FAM3C: variants seen among roughly 807,000 people sequenced by gnomAD.
FAM3C encodes the protein FAM3 metabolism regulating signaling molecule C, also known as protein FAM3C.
In FAM3C, 15 loss-of-function variants were observed where a neutral mutation model predicts 32.5. That is an observed-to-expected ratio of 0.46 (90% confidence interval 0.31 to 0.71). The LOEUF (loss-of-function observed/expected upper bound fraction) is 0.71. FAM3C is among the 30% of genes least tolerant of loss of function. FAM3C has a pLI of 0.05. For synonymous variants in FAM3C, 75 were observed against 86.1 expected, an observed-to-expected ratio of 0.87 and a Z score of 0.72; for missense variants, 175 against 274.4, an observed-to-expected ratio of 0.64 and a Z score of 2.56.
chr7:121,367,291 T>C lies in FAM3C; in HGVS notation c.273-3103A>G, dbSNP rs539051898. 4.1e-4 allele frequency among the ~76,000 whole-genome samples: 63 copies of C among 152,350 alleles called. No individual in the cohort carries two copies. The South Asian group carries it at 0.012, about 30-fold the overall frequency. On this transcript the variant is annotated intron_variant, in intron 5 of 9. Coordinates refer to ENST00000359943, the MANE Select transcript of FAM3C (RefSeq NM_014888.3). Reference sequence around the variant, plus strand: ...TGTTTCAAATAGCTACTTCATGTCCTAGTTATTAGTTATTATCTCTTAAGA... The same window carrying C: ...TGTTTCAAATAGCTACTTCATGTCCCAGTTATTAGTTATTATCTCTTAAGA...
chr7:121,358,223 T>G (rs3801382), intron 8 of FAM3C, among the ~76,000 whole-genome samples: 44,289 of 151,958 alleles, frequency 0.29, 6,774 homozygotes, highest in African/African-American at 0.38. Context: ...AAAGTATCAC[T>G]GTTTTCATGT....
At chr7:121,356,040 A>G (rs1201221802) in intron 8 of FAM3C, among the ~76,000 whole-genome samples, 2 of 82,666 alleles carry the variant, frequency 2.4e-5, no homozygotes, top group Non-Finnish European at 4.8e-5. Context: ...AGTGGTTTAG[A>G]AAAAAAAAAA....
chr7:121,364,236 T>G, intron 5 of FAM3C, 48 bp from the exon 6 acceptor site: 2 of 1,183,008 alleles, frequency 1.7e-6, no homozygotes, highest in Non-Finnish European at 2.5e-6. Flanking sequence ...TATTGTACAA[T>G]AACATATCAG....
chr7:121,372,933 T>C (rs1209665700), intron 3 of FAM3C, among the ~76,000 whole-genome samples: 1 of 152,182 alleles, frequency 6.6e-6, no homozygotes, highest in Non-Finnish European at 1.5e-5. Flanking sequence ...CTCCAACTAG[T>C]AAGCTGAAAG....
At chr7:121,368,735 C>A (rs954081175) in intron 5 of FAM3C, among the ~76,000 whole-genome samples, 1 of 152,052 alleles carries the variant, frequency 6.6e-6, no homozygotes, top group Non-Finnish European at 1.5e-5. Flanking sequence ...CTCTCCAGAG[C>A]TATCCAATCT....
intron 9 of FAM3C, among the ~76,000 whole-genome samples, 183 bp downstream of exon 9, chr7:121,350,960 C>T (rs1793691440): frequency 6.6e-6 from 1 of 152,130 alleles, no homozygotes; most frequent in African/African-American, 2.4e-5. Flanking sequence ...GCAGAATTTT[C>T]AAGTTTTGAA....
chr7:121,367,228 T>A (rs541727158), intron 5 of FAM3C, among the ~76,000 whole-genome samples: 36 of 152,304 alleles, frequency 2.4e-4, no homozygotes, highest in Admixed American at 8.5e-4. Flanking sequence ...AATGATTATA[T>A]CATCTGTAGA....
At chr7:121,350,768 A>G (rs879928799) in intron 9 of FAM3C, among the ~76,000 whole-genome samples, 1 of 152,166 alleles carries the variant, frequency 6.6e-6, no homozygotes, top group Non-Finnish European at 1.5e-5. Flanking sequence ...CGTGCTTTTA[A>G]AGGATTATTT....
intron 2 of FAM3C, chr7:121,380,295 T>C (rs796127291): frequency 2.0e-4 from 30 of 152,202 alleles, no homozygotes; most frequent in African/African-American, 7.0e-4. Context: ...AACTTCATTG[T>C]TCAAAACTGA....
At chr7:121,378,879 A>G in intron 3 of FAM3C, 31 bp downstream of exon 3, 2 of 1,229,140 alleles carry the variant, frequency 1.6e-6, no homozygotes, top group South Asian at 1.4e-5. Flanking sequence ...ATCAAAAATA[A>G]GATTTAAGAA....
chr7:121,383,887 A>G (rs923904678), intron 1 of FAM3C, among the ~76,000 whole-genome samples: 2 of 152,216 alleles, frequency 1.3e-5, no homozygotes, highest in African/African-American at 4.8e-5. Flanking sequence ...GGAAATTTTG[A>G]TGGATGAATC....
At chr7:121,374,543 T>A (rs1268220455) in intron 3 of FAM3C, among the ~76,000 whole-genome samples, 2 of 152,226 alleles carry the variant, frequency 1.3e-5, no homozygotes, top group Admixed American at 1.3e-4. Flanking sequence ...GCAAGAATCC[T>A]CCTACTGGAT....
rs762853161 is a variant in FAM3C, at chr7:121,382,948, A to G, written c.13+9T>C. ...AGTACAATTACTTCTACTAAATTAA[A>G]TATCTTACCTGCTACCCTCATGTTT... On this transcript the variant is annotated intron_variant, in intron 2 of 9. Transcript: ENST00000359943. 1.9e-5 allele frequency: 31 copies of G among 1,594,942 alleles called. No homozygotes were observed. The highest frequency in any genetic ancestry group is 2.4e-5 in the Non-Finnish European group (28 of 1,166,220).
intron 1 of FAM3C, among the ~76,000 whole-genome samples, chr7:121,386,754 A>T (rs1794473136): frequency 6.6e-6 from 1 of 151,472 alleles, no homozygotes; most frequent in South Asian, 2.1e-4. Flanking sequence ...ACTAATACAG[A>T]CCCCCTCAAG....
intron 5 of FAM3C, 192 bp from the exon 6 acceptor site, chr7:121,364,380 C>A (rs2536162): frequency 8.4e-6 from 4 of 474,888 alleles, no homozygotes; most frequent in Non-Finnish European, 1.1e-5. Flanking sequence ...AAAGCAATGT[C>A]CTTAAATAAT....
At chr7:121,366,864 C>G (rs572734873) in intron 5 of FAM3C, among the ~76,000 whole-genome samples, 2 of 152,310 alleles carry the variant, frequency 1.3e-5, no homozygotes, top group Non-Finnish European at 1.5e-5. Flanking sequence ...TAAGTAAACT[C>G]CATCATTAAG....
intron 1 of FAM3C, among the ~76,000 whole-genome samples, chr7:121,386,571 C>T (rs2116959409): frequency 6.6e-6 from 1 of 151,970 alleles, no homozygotes; most frequent in African/African-American, 2.4e-5. Flanking sequence ...CACACACACA[C>T]ACAAACACGC....
intron 7 of FAM3C, among the ~76,000 whole-genome samples, chr7:121,360,762 G>A (rs1212664510): frequency 6.6e-6 from 1 of 152,106 alleles, no homozygotes; most frequent in African/African-American, 2.4e-5. Context: ...TTGAGGCCAG[G>A]AGGTGGAGGT....
chr7:121,362,106 AGG>A (rs1409498545), intron 7 of FAM3C, among the ~76,000 whole-genome samples: 7 of 152,336 alleles, frequency 4.6e-5, no homozygotes, highest in African/African-American at 1.7e-4. Context: ...GGGGAGGTGC[AGG>A]GGAGATCCTC....
Sources: gnomAD v4.1 joint callset for allele counts (sites outside exome capture counted in the v4.1 genomes callset) on GRCh38, gnomAD v4.1.1 for gene constraint, MANE v1.5 for transcripts, NCBI Gene and HGNC (gene_info 2026-07-23, HGNC 2026-07-21) for gene names.